TEAD4: variants seen among roughly 807,000 people sequenced by gnomAD.
The protein encoded by TEAD4 is transcriptional enhancer factor TEF-3.
TEAD4 carries 36 observed loss-of-function variants against 52.4 expected under a neutral mutation model. The observed-to-expected ratio is 0.69, with a 90% CI of 0.53 to 0.91. The LOEUF (loss-of-function observed/expected upper bound fraction) is 0.91, where lower values mean the gene tolerates loss of function less well. Among genes scored for constraint, TEAD4 ranks in the 40% least tolerant of loss-of-function variants. The pLI, the probability that TEAD4 is intolerant of heterozygous loss-of-function variation, is 0.00. For missense variants in TEAD4, 508 were observed against 583.9 expected, an observed-to-expected ratio of 0.87 and a Z score of 1.34; for synonymous variants, 220 against 231.0, an observed-to-expected ratio of 0.95 and a Z score of 0.43.
At chr12:3,039,425 C>T (rs540864087) in intron 11 of TEAD4, among the ~76,000 whole-genome samples, 2 of 152,302 alleles carry the variant, frequency 1.3e-5, no homozygotes, top group South Asian at 4.1e-4. Flanking sequence ...GTCCACCAAG[C>T]TGGTTCAGAT....
chr12:3,019,299 C>A (rs1036658246), intron 8 of TEAD4, 129 bp downstream of exon 8: 13 of 1,032,604 alleles, frequency 1.3e-5, no homozygotes, highest in Non-Finnish European at 1.7e-5. Flanking sequence ...ACTGACCACA[C>A]GTCCTAGTCC....
At chr12:3,012,573 G>C (rs1007555519) in intron 5 of TEAD4, among the ~76,000 whole-genome samples, 1 of 152,120 alleles carries the variant, frequency 6.6e-6, no homozygotes, top group African/African-American at 2.4e-5. Flanking sequence ...CAGAGCATGC[G>C]GAGTGGCAGG....
chr12:2,985,554 G>T (rs2153954333), intron 2 of TEAD4, among the ~76,000 whole-genome samples: 1 of 123,044 alleles, frequency 8.1e-6, no homozygotes, highest in South Asian at 2.8e-4. Context: ...CCCCCAGGCT[G>T]GAGTGTAGTG....
At position 3,020,693 on chromosome 12, in the gene TEAD4, C is replaced by G. The variant is rs1021485033; in HGVS notation, c.643C>G (p.Gln215Glu). 2.1e-5 allele frequency: 33 copies of G among 1,607,888 alleles called. No homozygotes were observed. Among genetic ancestry groups the G allele is most frequent in the Non-Finnish European group, 2.7e-5 (32 of 1,177,110 alleles). The change falls in exon 9 of 13, where the codon CAG (glutamine) becomes GAG (glutamate). Residue 215 changes from glutamine to glutamate, a missense_variant. Coordinates refer to ENST00000359864, the MANE Select transcript of TEAD4 (RefSeq NM_003213.4). ...CTCTGCGCCCCCGGCACCCCCATGG[C>G]AGGGCCGCAGCGTGGCCAGCTCCAA...
At chr12:2,961,305 C>T (rs1456233383) in intron 2 of TEAD4, among the ~76,000 whole-genome samples, 1 of 152,024 alleles carries the variant, frequency 6.6e-6, no homozygotes, top group African/African-American at 2.4e-5. Context: ...ACACTCAGCA[C>T]TTCCTTTGAG....
intron 3 of TEAD4, among the ~76,000 whole-genome samples, chr12:3,001,129 G>C (rs1280868409): frequency 6.6e-6 from 1 of 152,206 alleles, no homozygotes; most frequent in African/African-American, 2.4e-5. Context: ...GTGACCTTGG[G>C]CAAGTTATTT....
At chr12:2,963,190 C>G (rs1278507085) in intron 2 of TEAD4, among the ~76,000 whole-genome samples, 3 of 152,208 alleles carry the variant, frequency 2.0e-5, no homozygotes, top group Non-Finnish European at 4.4e-5. Flanking sequence ...TTTAGATCTC[C>G]TGGGTTGCAA....
chr12:2,964,399 G>C (rs2098218495), intron 2 of TEAD4, among the ~76,000 whole-genome samples: 1 of 152,140 alleles, frequency 6.6e-6, no homozygotes, highest in Admixed American at 6.5e-5. Flanking sequence ...TGTGGGCAAA[G>C]CTCTGGACAG....
At chr12:2,999,492 A>G (rs1302626124) in intron 3 of TEAD4, among the ~76,000 whole-genome samples, 1 of 152,216 alleles carries the variant, frequency 6.6e-6, no homozygotes, top group Non-Finnish European at 1.5e-5. Flanking sequence ...CCAGGCAGAC[A>G]TGCAGATGAC....
At position 3,011,011 on chromosome 12, in the gene TEAD4, C is replaced by T. The variant is rs764160639; in HGVS notation, c.234C>T (p.Asn78=). 16 of 1,613,978 alleles carry T rather than the reference C, an allele frequency of 9.9e-6. No homozygotes were observed. The highest frequency in any genetic ancestry group is 2.2e-5 in the East Asian group (1 of 44,882). Residue 78 remains asparagine (N), a synonymous_variant, in exon 4 of 13, where the codon AAC becomes AAT. Coordinates refer to ENST00000359864, the MANE Select transcript of TEAD4 (RefSeq NM_003213.4). ...CTGCTGGTGTCTCTGCAGGTCGGAA[C>T]GAGCTGATTGCCCGCTACATCAAGC...
Position 3,012,245 on chromosome 12 carries a change from C to T in TEAD4, c.354+13C>T. The T allele has an allele frequency of 6.2e-7, 1 of 1,613,602 alleles. No homozygotes were observed. Among genetic ancestry groups the T allele is most frequent in the South Asian group, 1.1e-5 (1 of 91,016 alleles). On this transcript the variant is annotated intron_variant, in intron 5 of 12. Transcript: ENST00000359864. ...GGCCAAGCTAAAGGTAAGGAAACTG[C>T]AGTGGGGGTGCTGGAGTGGCCAGGA...
intron 2 of TEAD4, among the ~76,000 whole-genome samples, chr12:2,970,626 G>A (rs1431072616): frequency 3.3e-5 from 5 of 152,200 alleles, no homozygotes; most frequent in Admixed American, 3.3e-4. Context: ...CGTTTGTACT[G>A]TGGTAGTTCT....
intron 11 of TEAD4, among the ~76,000 whole-genome samples, chr12:3,038,811 TGTCCGTGACACG>T (rs2098280959): frequency 6.6e-6 from 1 of 152,208 alleles, no homozygotes; most frequent in Admixed American, 6.5e-5. Flanking sequence ...TTATCTTCAC[TGTCCGTGACACG>T]GTCTCCTGCA....
intron 5 of TEAD4, among the ~76,000 whole-genome samples, chr12:3,013,026 A>G (rs946745104): frequency 2.6e-5 from 4 of 152,176 alleles, no homozygotes; most frequent in Non-Finnish European, 5.9e-5. Flanking sequence ...GTCATAGCTC[A>G]CTGCAGCCTC....
chr12:3,024,391 G>A lies in TEAD4; in HGVS notation c.897+2374G>A, dbSNP rs113372140. 2.8e-3 allele frequency among the ~76,000 whole-genome samples: 428 copies of A among 152,248 alleles called. 1 individual carries two copies. The highest frequency in any genetic ancestry group is 9.3e-3 in the African/African-American group (385 of 41,560). ...GATTGAACACCAAAGAGCCAAGAAC[G>A]GGCTGGGTGTGGTGGTTCATCCCTG... On this transcript the variant is annotated intron_variant, in intron 10 of 12. Transcript: ENST00000359864.
intron 10 of TEAD4, among the ~76,000 whole-genome samples, chr12:3,027,096 A>G (rs751845995): frequency 1.3e-5 from 2 of 151,922 alleles, no homozygotes; most frequent in East Asian, 1.9e-4. Context: ...TATTCAAGCA[A>G]TTCTCCTGCC....
chr12:3,018,993 C>A, intron 7 of TEAD4, 122 bp from the exon 8 acceptor site: 1 of 1,239,072 alleles, frequency 8.1e-7, no homozygotes, highest in Non-Finnish European at 1.2e-6. Flanking sequence ...GAGGCCAAGG[C>A]CCATCGGGAC....
intron 10 of TEAD4, among the ~76,000 whole-genome samples, chr12:3,029,680 C>A (rs1449023276): frequency 6.6e-6 from 1 of 152,106 alleles, no homozygotes; most frequent in Non-Finnish European, 1.5e-5. Context: ...TGTGCCTGGC[C>A]CCTTTTCACA....
chr12:3,011,177 G>A (rs2153956614), intron 4 of TEAD4, 109 bp downstream of exon 4: 2 of 1,111,084 alleles, frequency 1.8e-6, no homozygotes, highest in Non-Finnish European at 2.7e-6. Flanking sequence ...TTGAGGGGCG[G>A]CAGCTCTGGA....
Sources: gnomAD v4.1 joint callset for allele counts (sites outside exome capture counted in the v4.1 genomes callset) on GRCh38, gnomAD v4.1.1 for gene constraint, MANE v1.5 for transcripts, NCBI Gene and HGNC (gene_info 2026-07-23, HGNC 2026-07-21) for gene names.